HHAT: variants seen among roughly 807,000 people sequenced by gnomAD.
HHAT encodes protein-cysteine N-palmitoyltransferase HHAT.
A neutral mutation model predicts 70.8 loss-of-function variants in HHAT; 47 were observed. That is an observed-to-expected ratio of 0.66 (90% CI 0.53 to 0.85). The LOEUF (loss-of-function observed/expected upper bound fraction) is 0.85. Among genes scored for constraint, HHAT ranks in the 40% least tolerant of loss-of-function variants. HHAT has a pLI of 0.00. For missense variants in HHAT, 609 were observed against 604.8 expected (o/e 1.01, Z -0.07); for synonymous variants, 228 against 247.6 (o/e 0.92, Z 0.74).
At chr1:210,453,512 TC>T (rs2093797715) in intron 7 of HHAT, among the ~76,000 whole-genome samples, 1 of 152,120 alleles carries the variant, frequency 6.6e-6, no homozygotes, top group African/African-American at 2.4e-5. Flanking sequence ...TACCCCCTAT[TC>T]CGTGCCTTCC....
intron 7 of HHAT, among the ~76,000 whole-genome samples, chr1:210,438,277 T>G (rs2093425997): frequency 6.6e-6 from 1 of 151,870 alleles, no homozygotes; most frequent in Admixed American, 6.6e-5. Context: ...TAGTTGATAA[T>G]GGACCACTCA....
At chr1:210,465,390 G>A (rs1042621153) in intron 8 of HHAT, among the ~76,000 whole-genome samples, 1 of 152,026 alleles carries the variant, frequency 6.6e-6, no homozygotes, top group Non-Finnish European at 1.5e-5. Flanking sequence ...TCCTCTTATC[G>A]CTTCCAGAGT....
intron 9 of HHAT, among the ~76,000 whole-genome samples, chr1:210,553,370 C>G (rs941923636): frequency 2.0e-5 from 3 of 152,170 alleles, no homozygotes; most frequent in African/African-American, 7.2e-5. Context: ...TACAGAGCTT[C>G]CCTAGATTCA....
At chr1:210,460,909 A>C (rs35622901) in intron 7 of HHAT, among the ~76,000 whole-genome samples, 63,565 of 152,014 alleles carry the variant, frequency 0.42, 14,301 homozygotes, top group African/African-American at 0.6. Flanking sequence ...TACCCTCTGC[A>C]CATGCTTGTT....
chr1:210,366,450 CAT>C (rs2088977769), intron 3 of HHAT, among the ~76,000 whole-genome samples: 2 of 152,064 alleles, frequency 1.3e-5, no homozygotes, highest in Non-Finnish European at 2.9e-5. Flanking sequence ...GATGAAACTC[CAT>C]GTCTACTAAA....
chr1:210,370,875 A>T lies in HHAT; in HGVS notation c.159+7956A>T, dbSNP rs970790761. 5.9e-5 allele frequency among the ~76,000 whole-genome samples: 9 copies of T among 152,120 alleles called. No individual in the cohort carries two copies. In the South Asian group the frequency reaches 1.2e-3, roughly 21 times the overall value. On this transcript the variant is annotated intron_variant, in intron 3 of 11. Transcript: ENST00000261458. Reference sequence around the variant, plus strand: ...GTGATCCACCAGCCTTGGCCTCCCAAAGTGCTGGGATTACAGGCATGAACC... The same window carrying T: ...GTGATCCACCAGCCTTGGCCTCCCATAGTGCTGGGATTACAGGCATGAACC...
At chr1:210,654,108 GCA>G (rs71745968) in intron 11 of HHAT, among the ~76,000 whole-genome samples, 2 of 342 alleles carry the variant, frequency 5.8e-3, no homozygotes, top group Non-Finnish European at 0.014. Context: ...TAGTGTGACA[GCA>G]GAATAGTGTG....
intron 9 of HHAT, among the ~76,000 whole-genome samples, chr1:210,515,283 G>A (rs1032026878): frequency 2.0e-5 from 3 of 152,188 alleles, no homozygotes; most frequent in Admixed American, 6.5e-5. Flanking sequence ...ATGACAGTGC[G>A]CCCCAACAAG....
Position 210,337,995 on chromosome 1 carries a change from C to A in HHAT, c.-44+8891C>A, listed in dbSNP as rs78526814. 5.1e-3 allele frequency among the ~76,000 whole-genome samples: 784 copies of A among 152,286 alleles called. 3 individuals are homozygous for A. The highest frequency in any genetic ancestry group is 0.01 in the Middle Eastern group (3 of 294). On this transcript the variant is annotated intron_variant, in intron 1 of 11. Coordinates refer to ENST00000261458, the MANE Select transcript of HHAT (RefSeq NM_018194.6). ...TGGTCTTGTCCTCCTCTCACTGACA[C>A]AATTGGAGCTTTGGGTTCAGTTTTA...
chr1:210,491,071 G>C (rs1010840683), intron 8 of HHAT, among the ~76,000 whole-genome samples: 2 of 149,906 alleles, frequency 1.3e-5, no homozygotes, highest in African/African-American at 5.0e-5. Context: ...CATAGTGTGT[G>C]TGTGTGTGTG....
At chr1:210,462,624 T>G (rs1050022828) in intron 7 of HHAT, 3 of 152,326 alleles carry the variant, frequency 2.0e-5, no homozygotes, top group Admixed American at 1.3e-4. Context: ...TGTAGTCTGA[T>G]TTCCAAAAGT....
In HHAT at chr1:210,438,422, G is replaced by A. The variant is rs1196334388; in HGVS notation, c.856+20097G>A. On this transcript the variant is annotated intron_variant, in intron 7 of 11. Transcript: ENST00000261458. ...ACCAAAGCTGTGCCTCTTTCTTATG[G>A]ATGAGTGGCATAAGGTAGACCAACT... Among the ~76,000 whole-genome samples the A allele has an allele frequency of 1.3e-5, 2 of 151,764 alleles. 1 individual carries two copies. The highest frequency in any genetic ancestry group is 1.3e-4 in the Admixed American group (2 of 15,266).
intron 6 of HHAT, among the ~76,000 whole-genome samples, chr1:210,406,185 G>A (rs2092322232): frequency 6.6e-6 from 1 of 152,064 alleles, no homozygotes; most frequent in South Asian, 2.1e-4. Flanking sequence ...ATTATTCTCA[G>A]TTTGCCAGCC....
chr1:210,506,061 C>T (rs1165415753), intron 8 of HHAT, among the ~76,000 whole-genome samples: 4 of 152,190 alleles, frequency 2.6e-5, no homozygotes, highest in Admixed American at 6.5e-5. Context: ...CACCCCTCCT[C>T]CGTCAAAGAA....
chr1:210,337,248 CCAATTT>C (rs982082791), intron 1 of HHAT, among the ~76,000 whole-genome samples: 42 of 152,242 alleles, frequency 2.8e-4, no homozygotes, highest in African/African-American at 9.9e-4. Context: ...AACTTTTCTT[CCAATTT>C]AAGTTTTAAA....
At chr1:210,480,253 A>C (rs1002403070) in intron 8 of HHAT, among the ~76,000 whole-genome samples, 1 of 152,166 alleles carries the variant, frequency 6.6e-6, no homozygotes, top group Non-Finnish European at 1.5e-5. Context: ...GAGAGACCTC[A>C]CCTCCGTATT....
chr1:210,579,090 T>A (rs1658586561), intron 9 of HHAT, among the ~76,000 whole-genome samples: 1 of 152,008 alleles, frequency 6.6e-6, no homozygotes, highest in African/African-American at 2.4e-5. Flanking sequence ...AAGTGGGAGC[T>A]AAAAGATAAG....
intron 5 of HHAT, among the ~76,000 whole-genome samples, chr1:210,403,817 T>C (rs1572186280): frequency 6.6e-6 from 1 of 152,236 alleles, no homozygotes; most frequent in African/African-American, 2.4e-5. Flanking sequence ...TTCCTTCTCA[T>C]TTTTTGTTCC....
intron 6 of HHAT, among the ~76,000 whole-genome samples, chr1:210,410,374 A>G (rs1382798766): frequency 6.6e-6 from 1 of 150,960 alleles, no homozygotes; most frequent in Non-Finnish European, 1.5e-5. Flanking sequence ...TAAACAAAAG[A>G]CAGTCAACTA....
Sources: allele counts gnomAD v4.1 joint callset (sites outside exome capture counted in the v4.1 genomes callset), GRCh38; gene constraint gnomAD v4.1.1; transcripts MANE v1.5; gene names NCBI Gene and HGNC (gene_info 2026-07-23, HGNC 2026-07-21).